Variants in CCSER1 observed in about 807,000 individuals in gnomAD.
CCSER1 encodes the protein coiled-coil serine rich protein 1.
CCSER1 carries 41 observed loss-of-function variants against 82.0 expected under a neutral mutation model. The observed-to-expected ratio is 0.50, with a 90% CI of 0.39 to 0.65. The LOEUF (loss-of-function observed/expected upper bound fraction) is 0.65, where lower values mean the gene tolerates loss of function less well. Among genes scored for constraint, CCSER1 ranks in the 30% least tolerant of loss-of-function variants. CCSER1 has a pLI of 0.00. For synonymous variants in CCSER1, 414 were observed against 383.9 expected, an observed-to-expected ratio of 1.08 and a Z score of -0.92; for missense variants, 1,119 against 1,064.2, an observed-to-expected ratio of 1.05 and a Z score of -0.72.
chr4:90,413,981 A>AAATATATATATAT (rs1560481885), intron 4 of CCSER1, among the ~76,000 whole-genome samples: 1 of 52,454 alleles, frequency 1.9e-5, no homozygotes, highest in East Asian at 8.4e-4. Context: ...AAAAAAAAAA[A>AAATATATATATAT]ATATATATAT....
chr4:90,439,517 G>A (rs1345303480), intron 4 of CCSER1, among the ~76,000 whole-genome samples: 1 of 152,158 alleles, frequency 6.6e-6, no homozygotes, highest in African/African-American at 2.4e-5. Context: ...GTTGATTGGA[G>A]TTAGAAATCA....
chr4:91,218,134 C>T (rs1405044895), intron 10 of CCSER1, among the ~76,000 whole-genome samples: 2 of 152,236 alleles, frequency 1.3e-5, no homozygotes, highest in African/African-American at 2.4e-5. Context: ...CAGCTAAGGC[C>T]CAGCGAGAAA....
At chr4:91,381,642 C>T (rs2091549) in intron 10 of CCSER1, among the ~76,000 whole-genome samples, 16,091 of 152,106 alleles carry the variant, frequency 0.11, 1,020 homozygotes, top group Middle Eastern at 0.18. Context: ...GTTAGCCATT[C>T]GTCTAATCTT....
chr4:91,133,871 C>A (rs1349106555), intron 10 of CCSER1, among the ~76,000 whole-genome samples: 2 of 152,126 alleles, frequency 1.3e-5, no homozygotes, highest in Non-Finnish European at 2.9e-5. Flanking sequence ...GAGGCCGAGG[C>A]AGGCGGATCA....
intron 10 of CCSER1, among the ~76,000 whole-genome samples, chr4:91,414,746 C>A (rs1002538534): frequency 5.9e-5 from 9 of 151,904 alleles, no homozygotes; most frequent in African/African-American, 2.2e-4. Flanking sequence ...AAATTGTAAA[C>A]AGAGCAAAGG....
At chr4:91,497,616 G>A (rs1353473068) in intron 10 of CCSER1, among the ~76,000 whole-genome samples, 1 of 151,750 alleles carries the variant, frequency 6.6e-6, no homozygotes, top group Non-Finnish European at 1.5e-5. Flanking sequence ...GAGTTACCGT[G>A]TTCAGTAATC....
At chr4:90,333,296 G>T (rs1026804768) in intron 3 of CCSER1, among the ~76,000 whole-genome samples, 1 of 152,058 alleles carries the variant, frequency 6.6e-6, no homozygotes, top group Non-Finnish European at 1.5e-5. Flanking sequence ...AGTTGTAACC[G>T]GGAGTGGTTC....
At chr4:91,170,093 G>C (rs1231420098) in intron 10 of CCSER1, among the ~76,000 whole-genome samples, 1 of 152,104 alleles carries the variant, frequency 6.6e-6, no homozygotes, top group East Asian at 1.9e-4. Context: ...AAAGCTGCAG[G>C]AGCTGTCTTA....
intron 8 of CCSER1, among the ~76,000 whole-genome samples, chr4:90,855,846 G>A (rs1183354882): frequency 2.0e-5 from 3 of 151,978 alleles, no homozygotes; most frequent in South Asian, 2.1e-4. Flanking sequence ...ATTCACAGTG[G>A]CATTTTAAAT....
intron 1 of CCSER1, among the ~76,000 whole-genome samples, chr4:90,193,805 A>G (rs1260400735): frequency 6.6e-6 from 1 of 152,068 alleles, no homozygotes; most frequent in African/African-American, 2.4e-5. Flanking sequence ...TGAAGAAAAT[A>G]TCTATTGATG....
chr4:90,738,043 G>A (rs1036254909), intron 7 of CCSER1, among the ~76,000 whole-genome samples: 38 of 152,154 alleles, frequency 2.5e-4, no homozygotes, highest in African/African-American at 8.9e-4. Flanking sequence ...TAACTATTTT[G>A]AATTCTCTGT....
chr4:90,446,894 A>T (rs984928428), intron 4 of CCSER1, among the ~76,000 whole-genome samples: 8 of 151,932 alleles, frequency 5.3e-5, no homozygotes, highest in Admixed American at 5.3e-4. Flanking sequence ...ATCCACTTCC[A>T]CTCAATACAT....
At chr4:90,791,488 A>G (rs998710360) in intron 7 of CCSER1, among the ~76,000 whole-genome samples, 1 of 152,174 alleles carries the variant, frequency 6.6e-6, no homozygotes, top group Non-Finnish European at 1.5e-5. Context: ...ACCCTCCACC[A>G]ACAGAAAGAG....
intron 4 of CCSER1, among the ~76,000 whole-genome samples, chr4:90,465,970 A>G (rs933010634): frequency 6.6e-6 from 1 of 152,324 alleles, no homozygotes; most frequent in East Asian, 1.9e-4. Flanking sequence ...TTCATTCATT[A>G]TCAGGAATAT....
At chr4:91,532,937 G>A (rs1236976776) in intron 10 of CCSER1, among the ~76,000 whole-genome samples, 1 of 151,776 alleles carries the variant, frequency 6.6e-6, no homozygotes, top group African/African-American at 2.4e-5. Flanking sequence ...GCCATTTGTG[G>A]AGGTATCCCA....
intron 7 of CCSER1, among the ~76,000 whole-genome samples, chr4:90,732,908 C>T (rs1745007441): frequency 6.6e-6 from 1 of 152,170 alleles, no homozygotes; most frequent in Non-Finnish European, 1.5e-5. Context: ...ATATGTATCA[C>T]ATTTTCTTAA....
chr4:90,227,718 A>G (rs1249721958), intron 1 of CCSER1, among the ~76,000 whole-genome samples: 1 of 152,180 alleles, frequency 6.6e-6, no homozygotes, highest in Non-Finnish European at 1.5e-5. Flanking sequence ...TACTGGGTTC[A>G]TCTCACTAGG....
intron 10 of CCSER1, among the ~76,000 whole-genome samples, chr4:91,514,012 T>C (rs1759967610): frequency 6.6e-6 from 1 of 152,128 alleles, no homozygotes; most frequent in South Asian, 2.1e-4. Context: ...GTGGTTAGTT[T>C]GTTCTTGTTT....
intron 8 of CCSER1, among the ~76,000 whole-genome samples, chr4:90,826,381 A>G (rs189111005): frequency 6.6e-6 from 1 of 152,316 alleles, no homozygotes; most frequent in East Asian, 1.9e-4. Context: ...TTTGAAAGTC[A>G]GTCTGAGCCG....
Sources: gnomAD v4.1 joint callset for allele counts (sites outside exome capture counted in the v4.1 genomes callset) on GRCh38, gnomAD v4.1.1 for gene constraint, MANE v1.5 for transcripts, NCBI Gene and HGNC (gene_info 2026-07-23, HGNC 2026-07-21) for gene names.